SEPTIN9: variants seen among roughly 807,000 people sequenced by gnomAD.
SEPTIN9 encodes septin-9.
Under a neutral mutation model 56.6 loss-of-function variants are expected in SEPTIN9, and 13 were observed. The ratio of observed to expected loss-of-function variants is 0.23; its 90% CI spans 0.15 to 0.37. SEPTIN9 has a LOEUF of 0.37. SEPTIN9 is among the 10% of genes least tolerant of loss of function. The pLI, the probability that SEPTIN9 is intolerant of heterozygous loss-of-function variation, is 1.00. For missense variants in SEPTIN9, 650 were observed against 823.1 expected (o/e 0.79, Z 2.57); for synonymous variants, 332 against 334.1 (o/e 0.99, Z 0.07).
intron 3 of SEPTIN9, among the ~76,000 whole-genome samples, chr17:77,411,200 A>G (rs1369668910): frequency 6.6e-6 from 1 of 152,040 alleles, no homozygotes; most frequent in Non-Finnish European, 1.5e-5. Flanking sequence ...AGGGGTGGCC[A>G]TGTTGACAGC....
chr17:77,409,590 C>G (rs935371109), intron 3 of SEPTIN9, among the ~76,000 whole-genome samples: 8 of 152,210 alleles, frequency 5.3e-5, no homozygotes, highest in African/African-American at 1.9e-4. Context: ...ACCACCCAGC[C>G]TGGCCCCAGG....
chr17:77,493,398 C>T (rs2040119504), intron 10 of SEPTIN9, among the ~76,000 whole-genome samples: 1 of 152,184 alleles, frequency 6.6e-6, no homozygotes, highest in South Asian at 2.1e-4. Flanking sequence ...GACAAATCGC[C>T]CAACCTCTCT....
chr17:77,482,407 C>CCCAAAGG, intron 4 of SEPTIN9, 72 bp downstream of exon 4: 1 of 1,485,606 alleles, frequency 6.7e-7, no homozygotes, highest in Non-Finnish European at 9.2e-7. Context: ...GGCCCACAAG[C>CCCAAAGG]CTTTGGGCTT....
chr17:77,378,073 A>G (rs565095091), intron 2 of SEPTIN9, among the ~76,000 whole-genome samples: 1 of 152,294 alleles, frequency 6.6e-6, no homozygotes, highest in East Asian at 1.9e-4. Context: ...CAGCAGATGC[A>G]CTGTGATCAG....
chr17:77,424,850 G>A (rs1034541680), intron 3 of SEPTIN9, among the ~76,000 whole-genome samples: 1 of 152,180 alleles, frequency 6.6e-6, no homozygotes, highest in Non-Finnish European at 1.5e-5. Flanking sequence ...CAAGTGAATG[G>A]GCATCCGGGC....
At chr17:77,376,117 A>C in intron 2 of SEPTIN9, 1 of 986,616 alleles carries the variant, frequency 1.0e-6, no homozygotes, top group Non-Finnish European at 1.2e-6. Context: ...GAGGGAGAGT[A>C]GGAATTGGAT....
In SEPTIN9 at chr17:77,323,652, C is replaced by T. The variant is rs1325009910; in HGVS notation, c.76+16455C>T. 6.6e-6 allele frequency: 1 copy of T among 152,658 alleles called. No individual in the cohort carries two copies. 9.5% of individuals were successfully genotyped at this position (152,658 alleles called of 1,614,324 possible). ...CCTGGGTCATCAGTGGGCGGGGAAC[C>T]GAGGCCTCCTGGAGGGCGGTGCCTC... is the stretch of plus-strand genomic sequence containing the variant. On this transcript the variant is annotated intron_variant, in intron 2 of 11. Transcript: ENST00000427177. This position sits in a 1 kb window ranked among gnomAD's most constrained non-coding sequence, Gnocchi z 6.8.
At position 77,317,158 on chromosome 17, in the gene SEPTIN9, C is replaced by T. The variant is rs1043552349; in HGVS notation, c.76+9961C>T. ...CATCAGTTTCCTGCAGCTGCTGTAA[C>T]GAGTGGCCACAAGCTGGCTGGGTCA... On this transcript the variant is annotated intron_variant, in intron 2 of 11. Transcript: ENST00000427177. The surrounding 1 kb of genome is among the most constrained non-coding windows in gnomAD (Gnocchi z 4.2). 2.6e-5 allele frequency among the ~76,000 whole-genome samples: 4 copies of T among 152,296 alleles called. No homozygotes were observed. The highest frequency in any genetic ancestry group is 2.1e-4 in the South Asian group (1 of 4,824).
intron 3 of SEPTIN9, chr17:77,446,838 A>T (rs2037760438): frequency 6.0e-6 from 1 of 167,086 alleles, no homozygotes; most frequent in South Asian, 2.1e-4. Context: ...TTAAGATATA[A>T]AGCAAGAAAA....
intron 3 of SEPTIN9, among the ~76,000 whole-genome samples, chr17:77,452,629 C>A (rs2038028336): frequency 1.3e-5 from 2 of 152,052 alleles, no homozygotes. Flanking sequence ...CCTGCTGGAT[C>A]AGGATGGAGT....
rs141097189 is a variant in SEPTIN9 at position 77,360,714 on chromosome 17, G to A, written c.77-41345G>A. ...AGAATAGCTGGGACTACAGGCGCCC[G>A]CCACCACACCCGGCTAATTTTTTGT... On this transcript the variant is annotated intron_variant, in intron 2 of 11. Transcript: ENST00000427177. 5.7e-3 allele frequency among the ~76,000 whole-genome samples: 871 copies of A among 152,018 alleles called. 7 individuals carry two copies. The highest frequency in any genetic ancestry group is 0.02 in the African/African-American group (814 of 41,450).
At chr17:77,299,874 C>G (rs1173136168) in intron 1 of SEPTIN9, among the ~76,000 whole-genome samples, 1 of 115,900 alleles carries the variant, frequency 8.6e-6, no homozygotes, top group East Asian at 2.0e-4. Context: ...GGCTGGTCAC[C>G]AAGAGAGGGG....
chr17:77,341,799 A>AT (rs1568003139), intron 2 of SEPTIN9, among the ~76,000 whole-genome samples: 1 of 148,016 alleles, frequency 6.8e-6, no homozygotes, highest in African/African-American at 2.5e-5. Context: ...AAAAAAAAAA[A>AT]GGGCCGGGCG....
intron 3 of SEPTIN9, among the ~76,000 whole-genome samples, chr17:77,407,970 C>A (rs557445186): frequency 1.6e-4 from 24 of 151,992 alleles, no homozygotes; most frequent in African/African-American, 5.8e-4. Context: ...GGCTCAGAGC[C>A]CCCCCCACCA....
intron 2 of SEPTIN9, among the ~76,000 whole-genome samples, chr17:77,341,784 CAA>C (rs34170928): frequency 7.9e-5 from 9 of 113,430 alleles, no homozygotes; most frequent in Non-Finnish European, 8.9e-5. Context: ...GACTCCATCT[CAA>C]AAAAAAAAAA....
At chr17:77,333,034 C>G (rs908082376) in intron 2 of SEPTIN9, among the ~76,000 whole-genome samples, 1 of 152,180 alleles carries the variant, frequency 6.6e-6, no homozygotes, top group African/African-American at 2.4e-5. Context: ...TAAGAAACTG[C>G]CAGATCTTTT....
chr17:77,332,276 CAA>C (rs899449069), intron 2 of SEPTIN9, among the ~76,000 whole-genome samples: 1 of 140,910 alleles, frequency 7.1e-6, no homozygotes, highest in African/African-American at 2.6e-5. Context: ...AACCCTGTCT[CAA>C]AAACAAAACA....
intron 3 of SEPTIN9, among the ~76,000 whole-genome samples, chr17:77,438,899 C>A (rs755011260): frequency 6.6e-6 from 1 of 152,110 alleles, no homozygotes; most frequent in Non-Finnish European, 1.5e-5. Flanking sequence ...TGCTCCAGTT[C>A]TGCAATCATA....
intron 2 of SEPTIN9, among the ~76,000 whole-genome samples, chr17:77,308,018 T>G (rs956179288): frequency 6.6e-6 from 1 of 152,206 alleles, no homozygotes; most frequent in African/African-American, 2.4e-5. Context: ...TGGCTGTCAC[T>G]TCCAGCGGCC....
Sources: allele counts gnomAD v4.1 joint callset (sites outside exome capture counted in the v4.1 genomes callset), GRCh38; gene constraint gnomAD v4.1.1; non-coding constraint Gnocchi (gnomAD v3.1); transcripts MANE v1.5; gene names NCBI Gene and HGNC (gene_info 2026-07-23, HGNC 2026-07-21).